Variants in BCAS1 observed in about 807,000 individuals in gnomAD.
The protein encoded by BCAS1 is brain enriched myelin associated protein 1.
BCAS1 carries 46 observed loss-of-function variants against 65.4 expected under a neutral mutation model. The observed-to-expected ratio is 0.70, with a 90% CI of 0.55 to 0.90. BCAS1 has a LOEUF of 0.90. BCAS1 is among the 40% of genes least tolerant of loss of function. BCAS1 has a pLI of 0.00. For missense variants in BCAS1, 793 were observed against 771.2 expected, an observed-to-expected ratio of 1.03 and a Z score of -0.33; for synonymous variants, 298 against 293.5, an observed-to-expected ratio of 1.02 and a Z score of -0.16.
At chr20:53,966,701 A>G (rs1266909544) in intron 10 of BCAS1, among the ~76,000 whole-genome samples, 1 of 152,256 alleles carries the variant, frequency 6.6e-6, no homozygotes, top group African/African-American at 2.4e-5. Context: ...GAAGGGTTAA[A>G]GAATATTAGC....
At chr20:53,968,952 AATAGAGC>A (rs1175518606) in intron 9 of BCAS1, among the ~76,000 whole-genome samples, 2 of 152,248 alleles carry the variant, frequency 1.3e-5, no homozygotes, top group African/African-American at 4.8e-5. Flanking sequence ...TGAGAATGGC[AATAGAGC>A]ATGGACATGG....
chr20:54,012,567 C>T (rs1010364938), intron 4 of BCAS1, among the ~76,000 whole-genome samples: 6 of 151,264 alleles, frequency 4.0e-5, no homozygotes, highest in East Asian at 3.9e-4. Flanking sequence ...TAAATAAATT[C>T]GCATGTGGTT....
At chr20:53,993,811 A>AT (rs932781986) in intron 6 of BCAS1, among the ~76,000 whole-genome samples, 8 of 152,192 alleles carry the variant, frequency 5.3e-5, no homozygotes, top group African/African-American at 2.4e-5. Context: ...TCAGATACAT[A>AT]TTTTTTTCCA....
intron 10 of BCAS1, among the ~76,000 whole-genome samples, chr20:53,962,851 A>G (rs6097694): frequency 0.021 from 3,180 of 151,908 alleles, 82 homozygotes; most frequent in East Asian, 0.098. Context: ...TACTTTTCCT[A>G]TTTTTATTTA....
rs368607940 is a variant in BCAS1, at chr20:53,975,442, T to C, written c.1276-12A>G. 1.8e-4 allele frequency: 291 copies of C among 1,610,610 alleles called. No homozygotes were observed. Among genetic ancestry groups the C allele is most frequent in the Non-Finnish European group, 2.4e-4 (285 of 1,177,796 alleles). On this transcript the variant is annotated splice_polypyrimidine_tract_variant and intron_variant, in intron 8 of 12. Transcript: ENST00000688948. The stretch of plus-strand genomic sequence containing the variant: ...TCCTCTTTAACTGACTAAAGGAAGA[T>C]AAAAACAAAAGTGAGAGTTAAAAGG...
At chr20:53,954,174 CCTTT>C (rs2089622402) in intron 11 of BCAS1, among the ~76,000 whole-genome samples, 1 of 152,114 alleles carries the variant, frequency 6.6e-6, no homozygotes, top group African/African-American at 2.4e-5. Context: ...AGGCTGGTTC[CCTTT>C]CTGTTAGATC....
Position 53,967,003 on chromosome 20 carries a change from A to G in BCAS1, c.1388T>C (p.Leu463Pro). The G allele has an allele frequency of 6.2e-7, 1 of 1,613,258 alleles. No homozygotes were observed. The highest frequency in any genetic ancestry group is 8.5e-7 in the Non-Finnish European group (1 of 1,179,646). The change falls in exon 10 of 13, where the codon CTC becomes CCC. Residue 463 changes from leucine (L) to proline (P), a missense_variant. Physicochemically the swap from Leu to Pro is moderately conservative, Grantham distance 98. Transcript: ENST00000688948. ...TTCAGGTGCAGCATCTCCTTCGTTG[A>G]GGTCCACTGTTTGTAAGGCTGATTC... ...EVESALQTVD[L>P]NEGDAAPEPT...
chr20:54,029,234 T>G, intron 3 of BCAS1: 1 of 985,300 alleles, frequency 1.0e-6, no homozygotes, highest in Non-Finnish European at 1.2e-6. Context: ...TGAGTGATAT[T>G]CAATGTTAAT....
At chr20:54,058,046 C>G in intron 3 of BCAS1, 39 bp downstream of exon 3, 2 of 1,515,974 alleles carry the variant, frequency 1.3e-6, no homozygotes, top group Non-Finnish European at 1.8e-6. Context: ...CCCCCCTTCC[C>G]CACGAGAGGG....
chr20:53,995,859 G>T, intron 5 of BCAS1, 33 bp downstream of exon 5: 1 of 1,562,360 alleles, frequency 6.4e-7, no homozygotes. Context: ...TTGAGCAATA[G>T]AGTGGAGGGG....
intron 12 of BCAS1, among the ~76,000 whole-genome samples, chr20:53,946,982 ATATAG>A (rs1159916641): frequency 2.0e-5 from 3 of 152,272 alleles, no homozygotes; most frequent in African/African-American, 2.4e-5. Context: ...TAGGGCACAT[ATATAG>A]TATATGTATA....
At chr20:54,062,990 G>A (rs2092394218) in intron 1 of BCAS1, among the ~76,000 whole-genome samples, 1 of 152,190 alleles carries the variant, frequency 6.6e-6, no homozygotes, top group South Asian at 2.1e-4. Context: ...ACAGGACTAG[G>A]TCCAAACAAC....
intron 4 of BCAS1, among the ~76,000 whole-genome samples, chr20:53,997,572 C>CAT (rs10627339): frequency 0.13 from 19,078 of 152,066 alleles, 2,583 homozygotes; most frequent in African/African-American, 0.34. Flanking sequence ...TTTAAATACT[C>CAT]ATGTATCTAT....
intron 12 of BCAS1, among the ~76,000 whole-genome samples, chr20:53,951,731 T>C (rs957082742): frequency 6.6e-6 from 1 of 152,194 alleles, no homozygotes; most frequent in African/African-American, 2.4e-5. Context: ...CTCACCCACT[T>C]GGGTGAAGTC....
At chr20:53,985,605 T>A in intron 7 of BCAS1, 106 bp from the exon 8 acceptor site, 1 of 970,162 alleles carries the variant, frequency 1.0e-6, no homozygotes, top group Non-Finnish European at 1.5e-6. Context: ...TACATAATGT[T>A]AATTTTCTTC....
rs138939079 is a variant in BCAS1, at chr20:54,022,031, A to C, written c.723+6361T>G. Reference sequence around the variant, plus strand: ...GATGCAGGATTGTCACAAACCTTTAATGTGTAAAAATGCAGCATCTGTGAA... The same window carrying C: ...GATGCAGGATTGTCACAAACCTTTACTGTGTAAAAATGCAGCATCTGTGAA... On this transcript the variant is annotated intron_variant, in intron 4 of 12. Transcript: ENST00000688948. 3.9e-5 allele frequency among the ~76,000 whole-genome samples: 6 copies of C among 152,350 alleles called. No homozygotes were observed. The East Asian group carries it at 1.2e-3, about 29-fold the overall frequency.
chr20:54,037,389 A>G (rs2091917604), intron 3 of BCAS1, among the ~76,000 whole-genome samples: 1 of 151,372 alleles, frequency 6.6e-6, no homozygotes, highest in African/African-American at 2.4e-5. Context: ...AATCACCTCC[A>G]CCTGGTCTCT....
chr20:54,054,012 C>T (rs1051124486), intron 3 of BCAS1, among the ~76,000 whole-genome samples: 1 of 152,216 alleles, frequency 6.6e-6, no homozygotes, highest in African/African-American at 2.4e-5. Context: ...ACCTCACAAT[C>T]ATGGCAGATG....
intron 1 of BCAS1, among the ~76,000 whole-genome samples, chr20:54,066,719 G>T (rs1241781301): frequency 2.6e-5 from 4 of 152,190 alleles, no homozygotes; most frequent in Admixed American, 1.3e-4. Context: ...AAATGCATCG[G>T]CCAGAACCTT....
Sources: allele counts gnomAD v4.1 joint callset (sites outside exome capture counted in the v4.1 genomes callset), GRCh38; gene constraint gnomAD v4.1.1; transcripts MANE v1.5; gene names NCBI Gene and HGNC (gene_info 2026-07-23, HGNC 2026-07-21).